The following LINGO2 variants were observed in gnomAD, a reference collection of about 807,000 sequenced individuals.
The protein encoded by LINGO2 is leucine-rich repeat and immunoglobulin-like domain-containing nogo receptor-interacting protein 2.
Under a neutral mutation model 30.6 loss-of-function variants are expected in LINGO2, and 14 were observed. The observed-to-expected ratio is 0.46, with a 90% CI of 0.30 to 0.72. The LOEUF is 0.72. Ranked by LOEUF, LINGO2 falls within the 30% of genes least tolerant of loss-of-function variation. LINGO2 has a pLI of 0.07. For missense variants in LINGO2, 729 were observed against 751.7 expected (o/e 0.97, Z 0.35); for synonymous variants, 317 against 288.5 (o/e 1.10, Z -1.00).
intron 1 of LINGO2, among the ~76,000 whole-genome samples, chr9:28,649,456 A>G (rs544482851): frequency 6.6e-6 from 1 of 152,260 alleles, no homozygotes; most frequent in African/African-American, 2.4e-5. Context: ...TAGCTCATCC[A>G]GCATGTGGCA....
the LINGO2 span, among the ~76,000 whole-genome samples, chr9:28,713,352 A>C: frequency 1.3e-5 from 2 of 152,156 alleles, no homozygotes; most frequent in African/African-American, 4.8e-5. Flanking sequence ...TGTATGAGAG[A>C]GACTCTAACT....
At chr9:28,493,093 T>C (rs1826464165) in intron 1 of LINGO2, among the ~76,000 whole-genome samples, 1 of 152,174 alleles carries the variant, frequency 6.6e-6, no homozygotes, top group Non-Finnish European at 1.5e-5. Flanking sequence ...TCCCCTGTCA[T>C]CCTCATCCAC....
chr9:27,951,471 A>C (rs1819306950), intron 5 of LINGO2, among the ~76,000 whole-genome samples: 1 of 152,164 alleles, frequency 6.6e-6, no homozygotes, highest in Admixed American at 6.6e-5. Flanking sequence ...ATAAATATTG[A>C]GGAATGGGAA....
At chr9:28,401,137 G>T (rs578109629) in intron 2 of LINGO2, among the ~76,000 whole-genome samples, 31 of 151,836 alleles carry the variant, frequency 2.0e-4, no homozygotes, top group African/African-American at 7.5e-4. Context: ...ACAAAACAAG[G>T]GTACAATTAA....
chr9:29,057,534 G>C, the LINGO2 span, among the ~76,000 whole-genome samples: 9 of 152,104 alleles, frequency 5.9e-5, no homozygotes, highest in Admixed American at 5.9e-4. Context: ...TTCTGAACTG[G>C]AGGGAAAGCC....
chr9:28,495,020 T>C (rs561095161), intron 1 of LINGO2, among the ~76,000 whole-genome samples: 1 of 152,364 alleles, frequency 6.6e-6, no homozygotes, highest in South Asian at 2.1e-4. Context: ...TGTTTTCTTT[T>C]GAGAAGTGTC....
At chr9:28,916,267 T>G in the LINGO2 span, among the ~76,000 whole-genome samples, 1 of 152,174 alleles carries the variant, frequency 6.6e-6, no homozygotes, top group Non-Finnish European at 1.5e-5. Flanking sequence ...TATTTTGAAA[T>G]GACCCTGTAA....
chr9:29,082,401 C>G, the LINGO2 span, among the ~76,000 whole-genome samples: 1 of 152,142 alleles, frequency 6.6e-6, no homozygotes, highest in Non-Finnish European at 1.5e-5. Context: ...AACTGGATCC[C>G]TTCCTTACAT....
intron 4 of LINGO2, among the ~76,000 whole-genome samples, chr9:28,252,792 T>C (rs1822251235): frequency 6.6e-6 from 1 of 151,972 alleles, no homozygotes; most frequent in Admixed American, 6.6e-5. Context: ...ACACAGTGAG[T>C]AGTAATAGTA....
At chr9:28,670,955 G>T (rs1372142188), upstream of LINGO2, among the ~76,000 whole-genome samples, 2 of 152,046 alleles carry the variant, frequency 1.3e-5, no homozygotes, top group Admixed American at 1.3e-4. Context: ...AACTTTTACA[G>T]TTTCAATTAT....
At chr9:28,071,184 A>G (rs1190613467) in intron 4 of LINGO2, among the ~76,000 whole-genome samples, 3 of 152,184 alleles carry the variant, frequency 2.0e-5, no homozygotes, top group African/African-American at 7.2e-5. Flanking sequence ...TCAGCAGTTT[A>G]CTGCTATTGG....
chr9:28,450,563 A>T (rs1824609350), intron 2 of LINGO2, among the ~76,000 whole-genome samples: 1 of 152,022 alleles, frequency 6.6e-6, no homozygotes, highest in Non-Finnish European at 1.5e-5. Flanking sequence ...TCAGAAAATG[A>T]CCAAATAAAA....
chr9:28,111,251 C>G (rs1364476760), intron 4 of LINGO2, among the ~76,000 whole-genome samples: 1 of 151,878 alleles, frequency 6.6e-6, no homozygotes, highest in Non-Finnish European at 1.5e-5. Context: ...TTGGGGGCTA[C>G]AGGAGGTATA....
At chr9:28,264,149 ACT>A (rs1822664128) in intron 4 of LINGO2, among the ~76,000 whole-genome samples, 1 of 151,958 alleles carries the variant, frequency 6.6e-6, no homozygotes, top group African/African-American at 2.4e-5. Flanking sequence ...GGATATTTAA[ACT>A]TTATATTTAC....
chr9:28,836,303 C>T, the LINGO2 span, among the ~76,000 whole-genome samples: 375 of 152,196 alleles, frequency 2.5e-3, 1 homozygote, highest in African/African-American at 8.6e-3. Context: ...CCTTTGGCAT[C>T]GCCCATTATC....
chr9:29,173,684 A>G, the LINGO2 span, among the ~76,000 whole-genome samples: 2 of 152,140 alleles, frequency 1.3e-5, no homozygotes, highest in African/African-American at 4.8e-5. Flanking sequence ...ATTCTTTTAA[A>G]AAGAAATTAA....
At chr9:28,772,730 C>G in the LINGO2 span, among the ~76,000 whole-genome samples, 2 of 152,158 alleles carry the variant, frequency 1.3e-5, no homozygotes, top group South Asian at 4.1e-4. Context: ...CTGGATACAC[C>G]TTTCCATATG....
chr9:28,225,318 T>C (rs1184944571), intron 4 of LINGO2, among the ~76,000 whole-genome samples: 1 of 152,198 alleles, frequency 6.6e-6, no homozygotes, highest in Non-Finnish European at 1.5e-5. Context: ...ATTTATTATG[T>C]TCTTGGATGG....
chr9:27,965,186 C>G (rs996677996), intron 5 of LINGO2, among the ~76,000 whole-genome samples: 4 of 151,996 alleles, frequency 2.6e-5, no homozygotes, highest in East Asian at 1.9e-4. Context: ...GGGAAAGAAA[C>G]TTTTCTTGCT....
Sources: allele counts gnomAD v4.1 joint callset (sites outside exome capture counted in the v4.1 genomes callset), GRCh38; gene constraint gnomAD v4.1.1; transcripts MANE v1.5; gene names NCBI Gene and HGNC (gene_info 2026-07-23, HGNC 2026-07-21).